The following MYH10 variants were observed in gnomAD, a reference collection of about 807,000 sequenced individuals.
MYH10 encodes myosin-10.
A neutral mutation model predicts 257.8 loss-of-function variants in MYH10; 55 were observed. That is an observed-to-expected ratio of 0.21 (90% CI 0.17 to 0.27). The LOEUF (loss-of-function observed/expected upper bound fraction) is 0.27, where lower values mean the gene tolerates loss of function less well. Ranked by LOEUF, MYH10 falls within the 10% of genes least tolerant of loss-of-function variation. MYH10 has a pLI of 1.00. For synonymous variants in MYH10, 854 were observed against 921.7 expected (o/e 0.93, Z 1.33); for missense variants, 1,631 against 2,500.6 (o/e 0.65, Z 7.42).
intron 38 of MYH10, 189 bp from the exon 39 acceptor site, chr17:8,480,714 G>A (rs1024115039): frequency 2.4e-5 from 17 of 710,780 alleles, no homozygotes; most frequent in African/African-American, 3.5e-5. Context: ...ACCCTCCCCC[G>A]CTGCCACCAC....
At chr17:8,626,431 G>A (rs923535223) in intron 1 of MYH10, among the ~76,000 whole-genome samples, 14 of 151,982 alleles carry the variant, frequency 9.2e-5, no homozygotes, top group Admixed American at 5.9e-4. Flanking sequence ...GCTGGGCTTG[G>A]TGTCACAGGC....
intron 21 of MYH10, among the ~76,000 whole-genome samples, chr17:8,517,750 C>A (rs1234662977): frequency 3.9e-5 from 6 of 152,164 alleles, no homozygotes; most frequent in Admixed American, 3.9e-4. Flanking sequence ...AGTATAGATT[C>A]CCCCTCACTG....
chr17:8,592,968 T>TATATATATATATATATATAA (rs2084227557), intron 3 of MYH10, among the ~76,000 whole-genome samples: 1 of 123,848 alleles, frequency 8.1e-6, no homozygotes, highest in Non-Finnish European at 1.7e-5. Context: ...TATATATATA[T>TATATATATATATATATATAA]ATAAAAGATG....
At chr17:8,500,352 A>C (rs1474917241) in intron 29 of MYH10, among the ~76,000 whole-genome samples, 1 of 152,184 alleles carries the variant, frequency 6.6e-6, no homozygotes, top group Non-Finnish European at 1.5e-5. Context: ...GAGATACAGA[A>C]GCGGGAACAA....
intron 34 of MYH10, among the ~76,000 whole-genome samples, chr17:8,491,086 C>T (rs1380056182): frequency 1.3e-5 from 2 of 152,192 alleles, no homozygotes; most frequent in Non-Finnish European, 2.9e-5. Context: ...ATTCTCTGCG[C>T]CAAGCACTGT....
chr17:8,602,886 C>T (rs961607078), intron 3 of MYH10, among the ~76,000 whole-genome samples: 1 of 152,172 alleles, frequency 6.6e-6, no homozygotes, highest in Non-Finnish European at 1.5e-5. Flanking sequence ...AGCCTTTACC[C>T]AGTGCTTGAC....
At chr17:8,625,371 G>A (rs2085636459) in intron 1 of MYH10, among the ~76,000 whole-genome samples, 1 of 152,214 alleles carries the variant, frequency 6.6e-6, no homozygotes, top group African/African-American at 2.4e-5. Flanking sequence ...AGTAGCGGCT[G>A]TCAAATTCAG....
intron 33 of MYH10, 95 bp downstream of exon 33, chr17:8,492,681 G>A (rs1283929552): frequency 1.7e-6 from 2 of 1,155,156 alleles, no homozygotes; most frequent in East Asian, 2.7e-5. Context: ...ATATAAACAT[G>A]TATCACATTT....
chr17:8,614,099 G>A (rs1199706460), intron 2 of MYH10, among the ~76,000 whole-genome samples: 1 of 152,008 alleles, frequency 6.6e-6, no homozygotes, highest in Non-Finnish European at 1.5e-5. Flanking sequence ...CACAGTAACT[G>A]AAACAACAGA....
At chr17:8,507,582 TTTAGA>T (rs2081113328) in intron 26 of MYH10, among the ~76,000 whole-genome samples, 1 of 152,236 alleles carries the variant, frequency 6.6e-6, no homozygotes, top group Non-Finnish European at 1.5e-5. Context: ...TTAATACAGC[TTTAGA>T]TTAAACACAA....
chr17:8,565,666 CACTTATT>C (rs1158302741), intron 7 of MYH10, among the ~76,000 whole-genome samples: 2 of 152,180 alleles, frequency 1.3e-5, no homozygotes, highest in Admixed American at 6.5e-5. Context: ...TATTAGAATG[CACTTATT>C]ATATAGTAGT....
chr17:8,614,950 T>C (rs565813590), intron 2 of MYH10, among the ~76,000 whole-genome samples: 3 of 152,154 alleles, frequency 2.0e-5, no homozygotes, highest in Non-Finnish European at 4.4e-5. Context: ...TACCAATAAA[T>C]TTGAACATTT....
At position 8,569,741 on chromosome 17, in the gene MYH10, T is replaced by A. The variant is rs1317509310; in HGVS notation, c.735A>T (p.Lys245Asn). The change falls in exon 7 of 43, where the codon AAA becomes AAT. Residue 245 changes from lysine to asparagine, a missense_variant. Lys to Asn is a moderately conservative substitution (Grantham distance 94, BLOSUM62 0). Coordinates refer to ENST00000360416, the MANE Select transcript of MYH10 (RefSeq NM_001256012.3). This position sits in a 1 kb window ranked among gnomAD's most constrained non-coding sequence, Gnocchi z 4.1. ...TTACAAAACGAGATGAGTTATCATT[T>A]TTCACAGTCTTCGCATTTCCAAATG... is the stretch of plus-strand genomic sequence containing the variant. ...LESFGNAKTV[K>N]NDNSSRFGKF... is the part of the protein sequence containing the mutation. The A allele has an allele frequency of 1.2e-6, 2 of 1,610,098 alleles. No homozygotes were observed. Among genetic ancestry groups the A allele is most frequent in the Non-Finnish European group, 1.7e-6 (2 of 1,178,440 alleles).
chr17:8,630,190 G>A (rs1449564669), intron 1 of MYH10, among the ~76,000 whole-genome samples: 3 of 151,286 alleles, frequency 2.0e-5, no homozygotes, highest in Non-Finnish European at 4.4e-5. Flanking sequence ...CTTCCTGGGA[G>A]GCAGACACTG....
At chr17:8,533,564 C>G (rs1057246132) in intron 16 of MYH10, among the ~76,000 whole-genome samples, 1 of 152,208 alleles carries the variant, frequency 6.6e-6, no homozygotes, top group East Asian at 1.9e-4. Flanking sequence ...TAAATTAGTG[C>G]TGAAAACACT....
chr17:8,612,521 T>TA (rs2152090018), intron 2 of MYH10, among the ~76,000 whole-genome samples: 1 of 152,314 alleles, frequency 6.6e-6, no homozygotes, highest in South Asian at 2.1e-4. Flanking sequence ...TTATTGTTGT[T>TA]AATCTCCCAC....
At chr17:8,533,062 G>A (rs1395388430) in intron 16 of MYH10, among the ~76,000 whole-genome samples, 2 of 152,084 alleles carry the variant, frequency 1.3e-5, no homozygotes, top group Non-Finnish European at 2.9e-5. Context: ...CAAAAACCAG[G>A]AAAAACCCCA....
intron 13 of MYH10, among the ~76,000 whole-genome samples, chr17:8,544,855 T>C (rs1451169146): frequency 6.6e-6 from 1 of 152,172 alleles, no homozygotes; most frequent in Non-Finnish European, 1.5e-5. Context: ...TGAAATCTAT[T>C]GTTAAACCCT....
At chr17:8,550,426 GAGAAGTGAGGAGCCCCTCCGCCCGGCA>G (rs1431935730) in intron 9 of MYH10, among the ~76,000 whole-genome samples, 25 of 151,826 alleles carry the variant, frequency 1.6e-4, no homozygotes, top group South Asian at 1.5e-3. Context: ...CGCCCCGTCT[GAGAAGTGAGGAGCCCCTCCGCCCGGCA>G]GCCGCCCCGT....
Sources: allele counts gnomAD v4.1 joint callset (sites outside exome capture counted in the v4.1 genomes callset), GRCh38; gene constraint gnomAD v4.1.1; non-coding constraint Gnocchi (gnomAD v3.1); transcripts MANE v1.5; gene names NCBI Gene and HGNC (gene_info 2026-07-23, HGNC 2026-07-21).